Variants in SPIRE1 observed in about 807,000 individuals in gnomAD.
SPIRE1 encodes protein spire homolog 1.
A neutral mutation model predicts 94.1 loss-of-function variants in SPIRE1; 40 were observed. The ratio of observed to expected loss-of-function variants is 0.43; its 90% CI spans 0.33 to 0.55. The LOEUF (loss-of-function observed/expected upper bound fraction) is 0.55, where lower values mean the gene tolerates loss of function less well. Among genes scored for constraint, SPIRE1 ranks in the 20% least tolerant of loss-of-function variants. The pLI is 0.06. For synonymous variants in SPIRE1, 376 were observed against 371.7 expected, an observed-to-expected ratio of 1.01 and a Z score of -0.13; for missense variants, 838 against 975.2, an observed-to-expected ratio of 0.86 and a Z score of 1.87.
Position 12,546,713 on chromosome 18 carries a change from T to C in SPIRE1, c.564A>G (p.Arg188=), listed in dbSNP as rs773209197. ...EEGLGDEDEK[R]KISAIRSYRD... ...TATATGACCGAATAGCTGAGATTTT[T>C]CTCTTTTCATCTTCATCTCCCAGGC... The change falls in exon 3 of 17, where the codon AGA becomes AGG. Residue 188 remains arginine (R), a synonymous_variant. Transcript: ENST00000409402. 30 of 1,614,068 alleles carry C rather than the reference T, an allele frequency of 1.9e-5. No individual in the cohort carries two copies. The highest frequency in any genetic ancestry group is 1.6e-4 in the Middle Eastern group (1 of 6,084).
intron 3 of SPIRE1, among the ~76,000 whole-genome samples, chr18:12,538,208 G>T (rs1279983272): frequency 2.0e-5 from 3 of 151,958 alleles, no homozygotes; most frequent in Non-Finnish European, 4.4e-5. Flanking sequence ...TATATTAAAG[G>T]GAATAATGTT....
chr18:12,555,134 A>G (rs1399654849), intron 2 of SPIRE1, among the ~76,000 whole-genome samples: 2 of 152,068 alleles, frequency 1.3e-5, no homozygotes, highest in Non-Finnish European at 2.9e-5. Flanking sequence ...TTGGCCATGG[A>G]GATGATTTGA....
intron 8 of SPIRE1, among the ~76,000 whole-genome samples, chr18:12,486,470 A>T (rs2033045426): frequency 6.6e-6 from 1 of 152,196 alleles, no homozygotes; most frequent in Non-Finnish European, 1.5e-5. Flanking sequence ...AAAAATTCTC[A>T]GTTCAGCTAG....
At chr18:12,625,091 T>C (rs2037583155) in intron 2 of SPIRE1, among the ~76,000 whole-genome samples, 2 of 152,146 alleles carry the variant, frequency 1.3e-5, no homozygotes, top group Admixed American at 6.6e-5. Flanking sequence ...ATTTCAAATA[T>C]GCCAAGTGAC....
intron 3 of SPIRE1, among the ~76,000 whole-genome samples, chr18:12,542,453 C>T (rs529992005): frequency 5.5e-4 from 84 of 152,224 alleles, no homozygotes; most frequent in African/African-American, 2.0e-3. Context: ...AATGTAATTA[C>T]CAATATATTT....
intron 2 of SPIRE1, among the ~76,000 whole-genome samples, chr18:12,572,052 TG>T (rs1209966142): frequency 2.0e-5 from 3 of 152,010 alleles, no homozygotes; most frequent in Admixed American, 6.6e-5. Flanking sequence ...CAGGAGCAGA[TG>T]GGGTTACAGT....
chr18:12,516,662 T>G (rs1441272460), intron 4 of SPIRE1, among the ~76,000 whole-genome samples: 1 of 152,238 alleles, frequency 6.6e-6, no homozygotes, highest in Non-Finnish European at 1.5e-5. Context: ...ATGTCCTTAA[T>G]AGTCTACAAA....
intron 2 of SPIRE1, among the ~76,000 whole-genome samples, chr18:12,596,399 A>T (rs2036673160): frequency 6.6e-6 from 1 of 152,134 alleles, no homozygotes; most frequent in African/African-American, 2.4e-5. Context: ...TCTAGTTCCA[A>T]TTTTCTTTTA....
intron 2 of SPIRE1, among the ~76,000 whole-genome samples, chr18:12,602,494 C>T (rs1218402781): frequency 6.6e-6 from 1 of 152,184 alleles, no homozygotes; most frequent in Non-Finnish European, 1.5e-5. Flanking sequence ...TGTCATCCCA[C>T]ACTAAACACA....
At chr18:12,450,044 T>G in intron 16 of SPIRE1, 148 bp from the exon 17 acceptor site, 2 of 891,732 alleles carry the variant, frequency 2.2e-6, no homozygotes, top group South Asian at 3.7e-5. Context: ...TAAAAAAATT[T>G]CTTATTGGTG....
At chr18:12,512,377 A>T in intron 5 of SPIRE1, 77 bp downstream of exon 5, 1 of 993,016 alleles carries the variant, frequency 1.0e-6, no homozygotes, top group Non-Finnish European at 1.5e-6. Flanking sequence ...ACAGAATGAG[A>T]CTCTGTCTCA....
chr18:12,650,108 A>T (rs144498640), intron 1 of SPIRE1, among the ~76,000 whole-genome samples: 27 of 152,262 alleles, frequency 1.8e-4, no homozygotes, highest in Middle Eastern at 3.4e-3. Context: ...GCGCAGCGGC[A>T]TGTGCATGTA....
At chr18:12,517,071 C>A (rs903332312) in intron 4 of SPIRE1, among the ~76,000 whole-genome samples, 2 of 152,128 alleles carry the variant, frequency 1.3e-5, no homozygotes, top group Non-Finnish European at 2.9e-5. Flanking sequence ...TTGCTGTAAT[C>A]CTGTTTGATT....
rs746548516 is a variant in SPIRE1, at chr18:12,535,530, A to C, written c.675T>G (p.Phe225Leu). 6.2e-7 allele frequency: 1 copy of C among 1,613,710 alleles called. No individual in the cohort carries two copies. The highest frequency in any genetic ancestry group is 1.1e-5 in the South Asian group (1 of 91,076). Residue 225 changes from phenylalanine to leucine, a missense_variant, in exon 4 of 17, where the codon TTT becomes TTG. Phe to Leu is a conservative substitution (Grantham distance 22). This residue lies in a region of SPIRE1 where 645 missense variants were observed against 804.7 expected (regional missense o/e 0.80). Coordinates refer to ENST00000409402, the MANE Select transcript of SPIRE1 (RefSeq NM_001128626.2). The part of the protein sequence containing the change: ...NHYQAVCRAL[F>L]AETMELHTFL... ...ATGTATGGAGCTCCATTGTTTCTGC[A>C]AACAGTGCACGACATACTGCCTGAT...
intron 1 of SPIRE1, 58 bp downstream of exon 1, chr18:12,657,472 G>C: frequency 8.4e-7 from 1 of 1,197,386 alleles, no homozygotes; most frequent in Non-Finnish European, 1.0e-6. Context: ...CTGAGGGTAA[G>C]GCGGCCCAGC....
chr18:12,571,036 G>T (rs1221002541), intron 2 of SPIRE1, among the ~76,000 whole-genome samples: 1 of 151,766 alleles, frequency 6.6e-6, no homozygotes, highest in African/African-American at 2.4e-5. Context: ...CTGGTAAAAG[G>T]TTACATATTT....
chr18:12,527,730 G>A (rs749389709), intron 4 of SPIRE1, among the ~76,000 whole-genome samples: 6 of 151,858 alleles, frequency 4.0e-5, no homozygotes, highest in East Asian at 3.9e-4. Context: ...CTCCATAATC[G>A]GCATCTTAAG....
At chr18:12,463,049 T>C (rs1355513250) in intron 12 of SPIRE1, among the ~76,000 whole-genome samples, 1 of 152,030 alleles carries the variant, frequency 6.6e-6, no homozygotes, top group East Asian at 1.9e-4. Flanking sequence ...AGGTGTGCAC[T>C]ACCACACCTG....
At chr18:12,499,376 T>C (rs1049066653) in intron 6 of SPIRE1, among the ~76,000 whole-genome samples, 2 of 152,214 alleles carry the variant, frequency 1.3e-5, no homozygotes, top group African/African-American at 2.4e-5. Context: ...CTGTTTTGAC[T>C]ACTAAATCTT....
Sources: gnomAD v4.1 joint callset for allele counts (sites outside exome capture counted in the v4.1 genomes callset) on GRCh38, gnomAD v4.1.1 for gene constraint, gnomAD v4.1.1 regional missense constraint, MANE v1.5 for transcripts, NCBI Gene and HGNC (gene_info 2026-07-23, HGNC 2026-07-21) for gene names.